The following ZFPM2 variants were observed in gnomAD, a reference collection of about 807,000 sequenced individuals.
ZFPM2 encodes zinc finger protein, FOG family member 2, also known as zinc finger protein ZFPM2.
A neutral mutation model predicts 98.6 loss-of-function variants in ZFPM2; 20 were observed. The observed-to-expected ratio is 0.20, with a 90% CI of 0.14 to 0.29. The LOEUF is 0.29. ZFPM2 is among the 10% of genes least tolerant of loss of function. ZFPM2 has a pLI of 1.00. For synonymous variants in ZFPM2, 518 were observed against 502.7 expected (o/e 1.03, Z -0.41); for missense variants, 1,310 against 1,388.6 (o/e 0.94, Z 0.90).
At chr8:105,474,322 A>G (rs1351913410) in intron 3 of ZFPM2, among the ~76,000 whole-genome samples, 4 of 152,226 alleles carry the variant, frequency 2.6e-5, no homozygotes, top group Admixed American at 6.5e-5. Context: ...CAATCCAGCT[A>G]CAACTATCTA....
At chr8:105,441,329 C>T in intron 2 of ZFPM2, among the ~76,000 whole-genome samples, 1 of 150,928 alleles carries the variant, frequency 6.6e-6, no homozygotes, top group Admixed American at 6.6e-5. Flanking sequence ...ATAGTAGATG[C>T]TCAATAAATA....
At chr8:105,705,895 G>T (rs1189026416) in intron 5 of ZFPM2, among the ~76,000 whole-genome samples, 2 of 152,138 alleles carry the variant, frequency 1.3e-5, no homozygotes, top group African/African-American at 4.8e-5. Context: ...CTGCAGGACT[G>T]TTTGACTAAT....
intron 1 of ZFPM2, among the ~76,000 whole-genome samples, chr8:105,379,644 T>C (rs1342324277): frequency 6.6e-6 from 1 of 151,788 alleles, no homozygotes; most frequent in African/African-American, 2.4e-5. Context: ...TCCCAGCTAC[T>C]TGGGAGGCTG....
At chr8:105,546,954 A>G (rs1814719909) in intron 3 of ZFPM2, among the ~76,000 whole-genome samples, 1 of 152,190 alleles carries the variant, frequency 6.6e-6, no homozygotes, top group South Asian at 2.1e-4. Context: ...TTTCCAGAAT[A>G]AAAGTATCAC....
intron 3 of ZFPM2, among the ~76,000 whole-genome samples, chr8:105,533,939 C>CCT (rs1317740815): frequency 1.1e-4 from 1 of 9,274 alleles, no homozygotes; most frequent in Non-Finnish European, 1.8e-4. Flanking sequence ...TCCCTCCCTC[C>CCT]CTTCCTTCTT....
At chr8:105,505,038 C>T (rs533558704) in intron 3 of ZFPM2, among the ~76,000 whole-genome samples, 6 of 151,924 alleles carry the variant, frequency 3.9e-5, no homozygotes, top group East Asian at 3.9e-4. Context: ...TGAAAGGACC[C>T]CAGATTAGAT....
intron 1 of ZFPM2, among the ~76,000 whole-genome samples, chr8:105,374,188 A>G (rs1425038352): frequency 2.0e-5 from 3 of 152,188 alleles, no homozygotes; most frequent in African/African-American, 7.2e-5. Flanking sequence ...TGAGCATGAC[A>G]TGGCCCCAAC....
intron 6 of ZFPM2, among the ~76,000 whole-genome samples, chr8:105,792,786 A>C (rs536249527): frequency 3.3e-5 from 5 of 152,174 alleles, no homozygotes; most frequent in African/African-American, 9.7e-5. Context: ...GGGTGCATAT[A>C]TATTTAGGAT....
chr8:105,527,594 C>G (rs73697376), intron 3 of ZFPM2, among the ~76,000 whole-genome samples: 18,341 of 152,206 alleles, frequency 0.12, 1,175 homozygotes, highest in East Asian at 0.16. Context: ...GCAGAATGCC[C>G]TTTTTGTAGG....
chr8:105,488,568 T>G (rs1334019391), intron 3 of ZFPM2, among the ~76,000 whole-genome samples: 1 of 152,048 alleles, frequency 6.6e-6, no homozygotes, highest in East Asian at 1.9e-4. Flanking sequence ...AAGACCAGCC[T>G]GGCCAATATG....
At chr8:105,663,044 T>C (rs1817423339) in intron 5 of ZFPM2, 1 of 152,222 alleles carries the variant, frequency 6.6e-6, no homozygotes, top group African/African-American at 2.4e-5. Flanking sequence ...TTGTTGCTAA[T>C]TTAAGGCTGC....
At chr8:105,434,968 T>C (rs11997056) in intron 2 of ZFPM2, among the ~76,000 whole-genome samples, 52,461 of 152,118 alleles carry the variant, frequency 0.34, 11,419 homozygotes, top group African/African-American at 0.62. Context: ...TGTTTGTTTG[T>C]GGTTTTTAAA....
chr8:105,635,699 G>T (rs577332204), intron 5 of ZFPM2, among the ~76,000 whole-genome samples: 1 of 152,144 alleles, frequency 6.6e-6, no homozygotes, highest in African/African-American at 2.4e-5. Context: ...AGATACCTTG[G>T]AATGTAGGAC....
chr8:105,592,233 T>TGAA (rs1381049960), intron 4 of ZFPM2, among the ~76,000 whole-genome samples: 1 of 152,072 alleles, frequency 6.6e-6, no homozygotes, highest in Admixed American at 6.6e-5. Context: ...TTTTTCCTTC[T>TGAA]TTTTTCCCCC....
At chr8:105,442,492 T>A (rs1348713697) in intron 2 of ZFPM2, among the ~76,000 whole-genome samples, 1 of 152,258 alleles carries the variant, frequency 6.6e-6, no homozygotes, top group East Asian at 1.9e-4. Flanking sequence ...CTACCACAGT[T>A]CCTTAAACAT....
intron 5 of ZFPM2, among the ~76,000 whole-genome samples, chr8:105,729,512 A>G (rs1324793691): frequency 6.6e-6 from 1 of 151,648 alleles, no homozygotes; most frequent in Admixed American, 6.6e-5. Context: ...GTAAACCATC[A>G]GTTTCTTTAC....
At chr8:105,586,864 A>ATATT (rs1382971759) in intron 4 of ZFPM2, among the ~76,000 whole-genome samples, 1 of 124,698 alleles carries the variant, frequency 8.0e-6, no homozygotes. Context: ...ATATATATAT[A>ATATT]TTCTTTTGAG....
intron 5 of ZFPM2, among the ~76,000 whole-genome samples, chr8:105,723,941 T>C (rs1811737429): frequency 6.6e-6 from 1 of 151,834 alleles, no homozygotes; most frequent in Non-Finnish European, 1.5e-5. Flanking sequence ...GGAACTTGTT[T>C]GTAGCCTCTT....
chr8:105,408,129 C>T (rs1453431149), intron 1 of ZFPM2, among the ~76,000 whole-genome samples: 2 of 151,842 alleles, frequency 1.3e-5, no homozygotes, highest in South Asian at 2.1e-4. Flanking sequence ...CTACAGGTTG[C>T]GATTGCTTGA....
Sources: allele counts gnomAD v4.1 joint callset (sites outside exome capture counted in the v4.1 genomes callset), GRCh38; gene constraint gnomAD v4.1.1; transcripts MANE v1.5; gene names NCBI Gene and HGNC (gene_info 2026-07-23, HGNC 2026-07-21).